Variants in IL1RAPL1 observed in about 807,000 individuals in gnomAD.
IL1RAPL1 encodes the protein interleukin 1 receptor accessory protein like 1, also known as interleukin-1 receptor accessory protein-like 1.
IL1RAPL1 carries 3 observed loss-of-function variants against 48.4 expected under a neutral mutation model. That is an observed-to-expected ratio of 0.06 (90% confidence interval 0.03 to 0.16). The LOEUF is 0.16. Among genes scored for constraint, IL1RAPL1 ranks in the 10% least tolerant of loss-of-function variants. The pLI is 1.00. For synonymous variants in IL1RAPL1, 185 were observed against 187.7 expected (o/e 0.99, Z 0.12); for missense variants, 349 against 530.6 (o/e 0.66, Z 3.36).
chrX:29,287,816 A>T (rs1285556267), intron 3 of IL1RAPL1, among the ~76,000 whole-genome samples: 1 of 111,319 alleles, frequency 9.0e-6, no homozygotes, highest in African/African-American at 3.3e-5. Flanking sequence ...CTTTTTGGAG[A>T]TGTAGTTTGC....
At chrX:28,752,865 G>A (rs1226740139) in intron 1 of IL1RAPL1, among the ~76,000 whole-genome samples, 2 of 111,934 alleles carry the variant, frequency 1.8e-5, no homozygotes, top group Non-Finnish European at 3.8e-5. Context: ...TGATCCCTAT[G>A]CCTCCTATTA....
intron 2 of IL1RAPL1, among the ~76,000 whole-genome samples, chrX:28,897,221 G>C (rs1280990292): frequency 1.8e-5 from 1 of 55,520 alleles, no homozygotes; most frequent in Admixed American, 2.2e-4. Flanking sequence ...GAAGGGGTCG[G>C]GGGGGTTCTT....
intron 2 of IL1RAPL1, among the ~76,000 whole-genome samples, chrX:29,227,474 T>C (rs1931105119): frequency 9.0e-6 from 1 of 111,534 alleles, no homozygotes; most frequent in Non-Finnish European, 1.9e-5. Flanking sequence ...TCAATCAGAC[T>C]AAGACTTTTT....
At chrX:29,253,886 A>T (rs1285262045) in intron 2 of IL1RAPL1, among the ~76,000 whole-genome samples, 1 of 111,584 alleles carries the variant, frequency 9.0e-6, no homozygotes, top group East Asian at 2.8e-4. Context: ...AATGGCAAGC[A>T]TTTAAGGTGA....
rs142350083 is a variant in IL1RAPL1 at position 29,852,529 on chromosome X, A to G, written c.779-64935A>G. On this transcript the variant is annotated intron_variant, in intron 6 of 10. Transcript: ENST00000378993. Reference sequence around the variant, plus strand: ...TTTTTTGGGACAACAAAGCCCTAACATTGTTACACAAATTTAGGTCAGAGT... The same window carrying G: ...TTTTTTGGGACAACAAAGCCCTAACGTTGTTACACAAATTTAGGTCAGAGT... Among the ~76,000 whole-genome samples the G allele has an allele frequency of 1.5e-3, 170 of 111,926 alleles. 1 individual carries two copies. The highest frequency in any genetic ancestry group is 2.6e-3 in the Non-Finnish European group (138 of 53,160).
chrX:29,803,559 A>G (rs1048003223), intron 6 of IL1RAPL1, among the ~76,000 whole-genome samples: 1 of 100,680 alleles, frequency 9.9e-6, no homozygotes, highest in Non-Finnish European at 2.0e-5. Flanking sequence ...GTGTGTATAT[A>G]TGTATATATG....
intron 2 of IL1RAPL1, among the ~76,000 whole-genome samples, chrX:28,977,816 GC>G (rs944123249): frequency 5.4e-5 from 6 of 111,825 alleles, no homozygotes; most frequent in Non-Finnish European, 1.1e-4. Flanking sequence ...AATTAGCTGT[GC>G]ATGGTGATGC....
chrX:29,405,407 C>T (rs1934048728), intron 5 of IL1RAPL1, among the ~76,000 whole-genome samples: 1 of 97,278 alleles, frequency 1.0e-5, no homozygotes, highest in African/African-American at 4.9e-5. Flanking sequence ...CGCTCTGTCG[C>T]CCAGGCTGGA....
chrX:29,720,774 AC>A (rs1263418077), intron 6 of IL1RAPL1, among the ~76,000 whole-genome samples: 1 of 112,257 alleles, frequency 8.9e-6, no homozygotes, highest in South Asian at 3.7e-4. Context: ...AATTAAAAAA[AC>A]AAACAAACAG....
chrX:29,270,849 T>C (rs1932030818), intron 2 of IL1RAPL1, among the ~76,000 whole-genome samples: 1 of 111,917 alleles, frequency 8.9e-6, no homozygotes, highest in African/African-American at 3.2e-5. Flanking sequence ...TTGGAGATAA[T>C]TGACTAATTT....
chrX:29,384,738 G>A (rs1602207613), intron 3 of IL1RAPL1, among the ~76,000 whole-genome samples: 2 of 112,091 alleles, frequency 1.8e-5, no homozygotes, highest in Admixed American at 9.4e-5. Flanking sequence ...TGAGCAATTC[G>A]GTGGATGGTG....
chrX:28,902,273 G>A (rs995997622), intron 2 of IL1RAPL1, among the ~76,000 whole-genome samples: 3 of 110,574 alleles, frequency 2.7e-5, no homozygotes, highest in Non-Finnish European at 5.7e-5. Context: ...CCTGGCTCAA[G>A]CCATCTTCCT....
intron 2 of IL1RAPL1, among the ~76,000 whole-genome samples, chrX:29,150,569 A>G (rs762369620): frequency 6.4e-4 from 71 of 110,997 alleles, no homozygotes; most frequent in African/African-American, 2.1e-3. Context: ...CTGAGGGTAC[A>G]TAATCATAAT....
At chrX:29,161,069 A>C (rs1411679987) in intron 2 of IL1RAPL1, among the ~76,000 whole-genome samples, 5 of 111,030 alleles carry the variant, frequency 4.5e-5, no homozygotes, top group Non-Finnish European at 9.4e-5. Flanking sequence ...CAAAAAAAAA[A>C]AAAAGTGTGA....
chrX:28,587,653 C>T lies in IL1RAPL1; in HGVS notation c.-419C>T, dbSNP rs1335648322. 9.0e-6 allele frequency: 1 copy of T among 110,569 alleles called. No homozygotes were observed. The highest frequency in any genetic ancestry group is 1.9e-5 in the Non-Finnish European group (1 of 52,927). 9.1% of individuals were successfully genotyped at this position (110,569 alleles called of 1,213,427 possible). A position where few individuals can be genotyped will look rare whatever the true frequency, so the allele number is the denominator to read the frequency against. On this transcript the variant is annotated 5_prime_UTR_variant, in exon 1 of 11. Transcript: ENST00000378993. ...AGACTTCTCACTTATCGGCTTTTTT[C>T]CTTCCTTATTTTTTAAGAATTATTC...
intron 5 of IL1RAPL1, among the ~76,000 whole-genome samples, chrX:29,529,836 G>T (rs1392132931): frequency 2.7e-5 from 3 of 111,465 alleles, no homozygotes; most frequent in Admixed American, 1.9e-4. Flanking sequence ...AGGGAAGAGA[G>T]AATGATAAAG....
intron 5 of IL1RAPL1, among the ~76,000 whole-genome samples, chrX:29,612,653 A>G (rs1924131924): frequency 8.9e-6 from 1 of 111,765 alleles, no homozygotes; most frequent in Admixed American, 9.5e-5. Context: ...GTGTTAAATA[A>G]GAAAGTTTTT....
intron 2 of IL1RAPL1, among the ~76,000 whole-genome samples, chrX:29,112,051 C>T (rs1928581784): frequency 2.8e-5 from 3 of 107,676 alleles, no homozygotes; most frequent in Admixed American, 1.0e-4. Flanking sequence ...CACCTCTGCC[C>T]CCCGAGTAGC....
chrX:29,489,221 AG>A (rs1282404022), intron 5 of IL1RAPL1, among the ~76,000 whole-genome samples: 1 of 111,448 alleles, frequency 9.0e-6, no homozygotes, highest in Non-Finnish European at 1.9e-5. Flanking sequence ...TCTCAGCCAC[AG>A]GGGGTTTATT....
Sources: gnomAD v4.1 joint callset for allele counts (sites outside exome capture counted in the v4.1 genomes callset) on GRCh38, gnomAD v4.1.1 for gene constraint, MANE v1.5 for transcripts, NCBI Gene and HGNC (gene_info 2026-07-23, HGNC 2026-07-21) for gene names.